ECT2L: variants seen among roughly 807,000 people sequenced by gnomAD.
ECT2L encodes the protein epithelial cell transforming 2 like.
ECT2L carries 126 observed loss-of-function variants against 122.8 expected under a neutral mutation model. The ratio of observed to expected loss-of-function variants is 1.03; its 90% CI spans 0.89 to 1.19. The LOEUF (loss-of-function observed/expected upper bound fraction) is 1.19, where lower values mean the gene tolerates loss of function less well. ECT2L is among the 50% of genes most tolerant of loss of function. The pLI, the probability that ECT2L is intolerant of heterozygous loss-of-function variation, is 0.00. For synonymous variants in ECT2L, 385 were observed against 381.8 expected, an observed-to-expected ratio of 1.01 and a Z score of -0.10; for missense variants, 1,012 against 1,064.1, an observed-to-expected ratio of 0.95 and a Z score of 0.68.
At chr6:138,894,889 C>T (rs1470886840) in intron 20 of ECT2L, among the ~76,000 whole-genome samples, 2 of 152,142 alleles carry the variant, frequency 1.3e-5, no homozygotes, top group Admixed American at 6.5e-5. Flanking sequence ...CAGCTTCTTC[C>T]TTTTAGGTCA....
At chr6:138,814,881 G>A (rs1481227450) in intron 4 of ECT2L, among the ~76,000 whole-genome samples, 1 of 152,112 alleles carries the variant, frequency 6.6e-6, no homozygotes, top group Non-Finnish European at 1.5e-5. Context: ...CATTCTCTTA[G>A]CATATTAAAT....
At chr6:138,885,865 A>G (rs547154129) in intron 18 of ECT2L, 35 bp downstream of exon 18, 1 of 1,592,386 alleles carries the variant, frequency 6.3e-7, no homozygotes, top group East Asian at 2.2e-5. Context: ...TCCTTTAAAC[A>G]TGTTACAATG....
rs753582948 is a variant in ECT2L at position 138,885,492 on chromosome 6, TC to T, written c.2029-12del. ...ATCTCATAAAGTTTTGACAATATAA[TC>T]CTCACCTTTTAGTGCAGAGAAATGA... is the stretch of plus-strand genomic sequence containing the variant. On this transcript the variant is annotated splice_polypyrimidine_tract_variant and intron_variant, in intron 16 of 21. Transcript: ENST00000541398. 9 of 1,613,502 alleles carry T rather than the reference TC, an allele frequency of 5.6e-6. No homozygotes were observed. Among genetic ancestry groups the T allele is most frequent in the Non-Finnish European group, 7.6e-6 (9 of 1,179,436 alleles).
At chr6:138,866,407 C>T (rs1194457040) in intron 12 of ECT2L, among the ~76,000 whole-genome samples, 6 of 152,132 alleles carry the variant, frequency 3.9e-5, no homozygotes, top group Non-Finnish European at 7.4e-5. Flanking sequence ...TGCCTCACCA[C>T]GCCCGGCTAA....
intron 1 of ECT2L, among the ~76,000 whole-genome samples, chr6:138,809,459 C>G (rs1775818945): frequency 6.6e-6 from 1 of 152,148 alleles, no homozygotes; most frequent in African/African-American, 2.4e-5. Flanking sequence ...GAGCAAGACC[C>G]TGTCTAAACA....
At chr6:138,824,581 CA>C (rs1491037699) in intron 4 of ECT2L, among the ~76,000 whole-genome samples, 3 of 116,752 alleles carry the variant, frequency 2.6e-5, no homozygotes, top group African/African-American at 6.0e-5. Context: ...AAAACAAAAA[CA>C]AAAAAAACAC....
intron 9 of ECT2L, 138 bp from the exon 10 acceptor site, chr6:138,853,888 A>C (rs1777530098): frequency 1.1e-6 from 1 of 903,418 alleles, no homozygotes; most frequent in Non-Finnish European, 1.7e-6. Context: ...TACGGGAGGA[A>C]GCAGAGATGC....
intron 5 of ECT2L, among the ~76,000 whole-genome samples, chr6:138,842,277 G>C (rs192437143): frequency 6.7e-6 from 1 of 148,356 alleles, no homozygotes; most frequent in East Asian, 2.0e-4. Flanking sequence ...TGGCCAACAG[G>C]GCAAAACCCC....
intron 8 of ECT2L, among the ~76,000 whole-genome samples, chr6:138,847,016 C>G (rs957225911): frequency 6.0e-5 from 9 of 149,538 alleles, no homozygotes; most frequent in African/African-American, 2.2e-4. Flanking sequence ...ACCTATAATC[C>G]CAGCACTTTG....
chr6:138,836,222 A>G (rs1776832360), intron 4 of ECT2L, among the ~76,000 whole-genome samples: 1 of 152,156 alleles, frequency 6.6e-6, no homozygotes, highest in South Asian at 2.1e-4. Context: ...AAGTAATCAA[A>G]AACTATTCTA....
At chr6:138,859,995 T>C (rs569816411) in intron 10 of ECT2L, among the ~76,000 whole-genome samples, 1 of 152,026 alleles carries the variant, frequency 6.6e-6, no homozygotes, top group Non-Finnish European at 1.5e-5. Flanking sequence ...GCTAATTTTT[T>C]AATATTTTTA....
intron 14 of ECT2L, 131 bp from the exon 15 acceptor site, chr6:138,880,826 C>T (rs1004794503): frequency 1.7e-5 from 12 of 712,874 alleles, no homozygotes; most frequent in Admixed American, 9.4e-5. Context: ...GCGGGGTCCT[C>T]CGTAGCCCCC....
intron 12 of ECT2L, among the ~76,000 whole-genome samples, chr6:138,865,480 A>G (rs757928309): frequency 2.6e-5 from 4 of 152,226 alleles, no homozygotes; most frequent in Non-Finnish European, 4.4e-5. Context: ...AGAGCTGTGC[A>G]CTTTTCCCAC....
intron 1 of ECT2L, among the ~76,000 whole-genome samples, chr6:138,798,819 T>C (rs1775432266): frequency 1.3e-5 from 2 of 152,232 alleles, no homozygotes; most frequent in South Asian, 4.1e-4. Context: ...TAGACAAGAA[T>C]GAAAACCTAA....
At chr6:138,857,840 T>A (rs1032446087) in intron 10 of ECT2L, among the ~76,000 whole-genome samples, 1 of 152,180 alleles carries the variant, frequency 6.6e-6, no homozygotes, top group African/African-American at 2.4e-5. Flanking sequence ...CACGCTGCTA[T>A]GAATAACTGC....
chr6:138,801,501 C>T (rs1467794290), intron 1 of ECT2L, among the ~76,000 whole-genome samples: 1 of 152,186 alleles, frequency 6.6e-6, no homozygotes, highest in African/African-American at 2.4e-5. Flanking sequence ...CCTGTAATCC[C>T]AGCACTTTGG....
chr6:138,832,028 A>G lies in ECT2L; in HGVS notation c.180-6324A>G, dbSNP rs543210096. Among the ~76,000 whole-genome samples, 77 of 128,356 alleles carry G rather than the reference A, an allele frequency of 6.0e-4. No individual in the cohort carries two copies. In the East Asian group the frequency reaches 0.022, roughly 36 times the overall value. 84.2% of individuals were successfully genotyped at this position (128,356 alleles called of 152,430 possible). A position where few individuals can be genotyped will look rare whatever the true frequency, so the allele number is the denominator to read the frequency against. On this transcript the variant is annotated intron_variant, in intron 4 of 21. Transcript: ENST00000541398. Reference sequence around the variant, plus strand: ...CATGAAACTAAGTGAAATGTCTTCAATTTTTTTTATCATTTTAAATGACTT... The same window carrying G: ...CATGAAACTAAGTGAAATGTCTTCAGTTTTTTTTATCATTTTAAATGACTT...
chr6:138,868,304 C>A, intron 13 of ECT2L, 98 bp downstream of exon 13: 1 of 967,756 alleles, frequency 1.0e-6, no homozygotes, highest in Non-Finnish European at 1.5e-6. Flanking sequence ...TTATCCCTTT[C>A]AGAGCACAGT....
chr6:138,901,802 T>C (rs1779404709), intron 21 of ECT2L, among the ~76,000 whole-genome samples: 1 of 152,220 alleles, frequency 6.6e-6, no homozygotes, highest in Admixed American at 6.5e-5. Context: ...ATTCCAATGT[T>C]TTTCACTGCA....
Sources: gnomAD v4.1 joint callset for allele counts (sites outside exome capture counted in the v4.1 genomes callset) on GRCh38, gnomAD v4.1.1 for gene constraint, MANE v1.5 for transcripts, NCBI Gene and HGNC (gene_info 2026-07-23, HGNC 2026-07-21) for gene names.